Variants in RABGAP1L observed in about 807,000 individuals in gnomAD.
RABGAP1L encodes the protein RAB GTPase activating protein 1 like.
A neutral mutation model predicts 137.7 loss-of-function variants in RABGAP1L; 63 were observed. The ratio of observed to expected loss-of-function variants is 0.46; its 90% CI spans 0.37 to 0.56. The LOEUF (loss-of-function observed/expected upper bound fraction) is 0.56. Ranked by LOEUF, RABGAP1L falls within the 20% of genes least tolerant of loss-of-function variation. The pLI, the probability that RABGAP1L is intolerant of heterozygous loss-of-function variation, is 0.00. For missense variants in RABGAP1L, 1,095 were observed against 1,244.0 expected (o/e 0.88, Z 1.80); for synonymous variants, 431 against 433.7 (o/e 0.99, Z 0.08).
intron 13 of RABGAP1L, among the ~76,000 whole-genome samples, chr1:174,463,613 T>G (rs942110539): frequency 2.6e-5 from 4 of 151,998 alleles, no homozygotes; most frequent in African/African-American, 9.7e-5. Context: ...TATACATATG[T>G]AACTAACCTG....
chr1:174,613,950 T>A (rs1371327609), intron 13 of RABGAP1L, among the ~76,000 whole-genome samples: 1 of 152,302 alleles, frequency 6.6e-6, no homozygotes, highest in East Asian at 1.9e-4. Context: ...CCTATGTGTG[T>A]CTCTGCACAT....
In RABGAP1L at chr1:174,384,161, A is replaced by G. The variant is rs114932592; in HGVS notation, c.1560-9834A>G. On this transcript the variant is annotated intron_variant, in intron 12 of 25. Coordinates refer to ENST00000681986, the MANE Select transcript of RABGAP1L (RefSeq NM_001366446.1). ...TCAAGTGCATCATGTTAAGTGACCT[A>G]TGCCAAAGTCAAGTGACTTAATACT... Among the ~76,000 whole-genome samples, 839 of 152,354 alleles carry G rather than the reference A, an allele frequency of 5.5e-3. 5 individuals are homozygous for G. The highest frequency in any genetic ancestry group is 0.015 in the South Asian group (73 of 4,834).
rs184136300 is a variant in RABGAP1L, at chr1:174,303,083, T to C, written c.1324-1903T>C. Among the ~76,000 whole-genome samples the C allele has an allele frequency of 7.9e-5, 12 of 152,218 alleles. No homozygotes were observed. The East Asian group carries it at 9.7e-4, about 12-fold the overall frequency. On this transcript the variant is annotated intron_variant, in intron 10 of 25. Transcript: ENST00000681986. ...GTGCTTCTGATTAGCATTGGCGTTC[T>C]TTAGTGTCACCTCTGCAGAGGTAAA... is the stretch of plus-strand genomic sequence containing the variant.
chr1:174,845,871 T>C, intron 19 of RABGAP1L, among the ~76,000 whole-genome samples: 1 of 139,214 alleles, frequency 7.2e-6, no homozygotes. Context: ...TCTTTTTGGT[T>C]GGTAAACTAC....
At chr1:174,782,565 G>T (rs1687096892) in intron 18 of RABGAP1L, among the ~76,000 whole-genome samples, 1 of 152,162 alleles carries the variant, frequency 6.6e-6, no homozygotes, top group Non-Finnish European at 1.5e-5. Context: ...GAAGCTCTTT[G>T]AAATTTTTCT....
intron 1 of RABGAP1L, among the ~76,000 whole-genome samples, chr1:174,163,554 C>T (rs1047209693): frequency 6.6e-6 from 1 of 151,264 alleles, no homozygotes; most frequent in African/African-American, 2.4e-5. Context: ...AATTCTGAGC[C>T]TTCTTATTTT....
At chr1:174,548,336 T>C (rs575993913) in intron 13 of RABGAP1L, 1 of 1,164,068 alleles carries the variant, frequency 8.6e-7, no homozygotes, top group African/African-American at 1.6e-5. Flanking sequence ...TAGTTTTTGT[T>C]TTTAAAGTGC....
chr1:174,201,649 T>C (rs933540342), intron 1 of RABGAP1L, among the ~76,000 whole-genome samples: 1 of 152,154 alleles, frequency 6.6e-6, no homozygotes, highest in African/African-American at 2.4e-5. Flanking sequence ...TTGGCTTTTT[T>C]TTTTCTTTTT....
At chr1:174,938,868 C>G (rs967481575) in intron 19 of RABGAP1L, among the ~76,000 whole-genome samples, 1 of 152,262 alleles carries the variant, frequency 6.6e-6, no homozygotes, top group Middle Eastern at 3.4e-3. Context: ...TTTCCCATAC[C>G]ATATTTTTCA....
chr1:174,509,510 G>A (rs930288428), intron 13 of RABGAP1L, among the ~76,000 whole-genome samples: 1 of 151,920 alleles, frequency 6.6e-6, no homozygotes. Context: ...GACAAAGAGA[G>A]CTTGCTTGCC....
At chr1:174,673,037 CTT>C (rs1557971608) in intron 14 of RABGAP1L, among the ~76,000 whole-genome samples, 1 of 152,102 alleles carries the variant, frequency 6.6e-6, no homozygotes, top group Non-Finnish European at 1.5e-5. Context: ...TGTATTCTCT[CTT>C]TATCCTACTT....
chr1:174,471,718 TCTTA>T (rs2149308724), intron 13 of RABGAP1L, among the ~76,000 whole-genome samples: 2 of 152,284 alleles, frequency 1.3e-5, no homozygotes, highest in South Asian at 2.1e-4. Context: ...CTCTTAGGAA[TCTTA>T]CTTAATCTGG....
chr1:174,613,813 G>A (rs1206838922), intron 13 of RABGAP1L, among the ~76,000 whole-genome samples: 1 of 152,118 alleles, frequency 6.6e-6, no homozygotes, highest in African/African-American at 2.4e-5. Flanking sequence ...ATTATGTAAT[G>A]GCCTTCTTTG....
intron 11 of RABGAP1L, among the ~76,000 whole-genome samples, chr1:174,319,752 T>C (rs1300825185): frequency 1.3e-5 from 2 of 152,198 alleles, no homozygotes; most frequent in African/African-American, 4.8e-5. Flanking sequence ...GTTTTTATCA[T>C]GAATAAGTAT....
chr1:174,383,333 T>G (rs370074490), intron 12 of RABGAP1L, among the ~76,000 whole-genome samples: 1 of 143,646 alleles, frequency 7.0e-6, no homozygotes, highest in East Asian at 2.0e-4. Flanking sequence ...TCGAGCTTCC[T>G]GGCTGCTTTG....
intron 19 of RABGAP1L, among the ~76,000 whole-genome samples, chr1:174,857,183 T>A (rs1191552597): frequency 1.3e-5 from 2 of 152,186 alleles, no homozygotes; most frequent in East Asian, 1.9e-4. Context: ...TGATAGGAAG[T>A]ACTGACTTTG....
chr1:174,948,080 A>G (rs191155140), intron 19 of RABGAP1L, among the ~76,000 whole-genome samples: 3 of 152,326 alleles, frequency 2.0e-5, no homozygotes, highest in East Asian at 3.9e-4. Flanking sequence ...GATGGACAGT[A>G]TATCAAAACT....
At position 174,370,356 on chromosome 1, in the gene RABGAP1L, T is replaced by C. The variant is rs988507192; in HGVS notation, c.1466-623T>C. On this transcript the variant is annotated intron_variant, in intron 11 of 25. Transcript: ENST00000681986. ...GTCGTTTTCACCACCGATTATAAAC[T>C]GTAAATCAACCCATATTGTTTCTTA... Among the ~76,000 whole-genome samples the C allele has an allele frequency of 3.3e-5, 5 of 152,172 alleles. No individual in the cohort carries two copies. The East Asian group carries it at 9.6e-4, about 29-fold the overall frequency.
chr1:174,555,941 C>T (rs1458588372), intron 13 of RABGAP1L, among the ~76,000 whole-genome samples: 1 of 147,816 alleles, frequency 6.8e-6, no homozygotes, highest in African/African-American at 2.5e-5. Context: ...TATTGTAGGA[C>T]TATGTTTGGA....
Sources: gnomAD v4.1 joint callset for allele counts (sites outside exome capture counted in the v4.1 genomes callset) on GRCh38, gnomAD v4.1.1 for gene constraint, MANE v1.5 for transcripts, NCBI Gene and HGNC (gene_info 2026-07-23, HGNC 2026-07-21) for gene names.